The following PLCB4 variants were observed in gnomAD, a reference collection of about 807,000 sequenced individuals.
PLCB4 encodes the protein 1-phosphatidylinositol 4,5-bisphosphate phosphodiesterase beta-4.
In PLCB4, 77 loss-of-function variants were observed where a neutral mutation model predicts 178.8. The ratio of observed to expected loss-of-function variants is 0.43; its 90% CI spans 0.36 to 0.52. The LOEUF (loss-of-function observed/expected upper bound fraction) is 0.52. Among genes scored for constraint, PLCB4 ranks in the 20% least tolerant of loss-of-function variants. The pLI is 0.00. For missense variants in PLCB4, 1,024 were observed against 1,453.4 expected, an observed-to-expected ratio of 0.70 and a Z score of 4.80; for synonymous variants, 496 against 490.8, an observed-to-expected ratio of 1.01 and a Z score of -0.14.
intron 2 of PLCB4, among the ~76,000 whole-genome samples, chr20:9,161,631 G>T (rs116120565): frequency 0.02 from 3,000 of 152,304 alleles, 96 homozygotes; most frequent in African/African-American, 0.067. Context: ...TTATTGACTC[G>T]AAGAGACAAA....
chr20:9,141,748 A>G (rs919169332), intron 2 of PLCB4, among the ~76,000 whole-genome samples: 3 of 152,104 alleles, frequency 2.0e-5, no homozygotes, highest in Non-Finnish European at 4.4e-5. Flanking sequence ...ACAATCAGAT[A>G]AGAAGGGAAT....
At chr20:9,476,073 TCCC>T (rs1167977423) in intron 38 of PLCB4, among the ~76,000 whole-genome samples, 3 of 152,190 alleles carry the variant, frequency 2.0e-5, no homozygotes, top group African/African-American at 7.2e-5. Context: ...GTCCCAAATC[TCCC>T]CTTCCAAAGC....
At chr20:9,244,912 A>G (rs959887824) in intron 3 of PLCB4, among the ~76,000 whole-genome samples, 15 of 152,136 alleles carry the variant, frequency 9.9e-5, no homozygotes, top group Non-Finnish European at 4.4e-5. Context: ...AACGCTGGGC[A>G]GTTCTGAGCA....
chr20:9,164,073 C>T (rs1461518786), intron 2 of PLCB4, among the ~76,000 whole-genome samples: 3 of 152,052 alleles, frequency 2.0e-5, no homozygotes, highest in Non-Finnish European at 4.4e-5. Flanking sequence ...AACTTTATTC[C>T]TTCTGTGGTC....
At chr20:9,419,112 A>G (rs2040451601) in intron 25 of PLCB4, among the ~76,000 whole-genome samples, 2 of 152,134 alleles carry the variant, frequency 1.3e-5, no homozygotes, top group Admixed American at 1.3e-4. Context: ...GTGACTAGAA[A>G]TAGGCTTACT....
chr20:9,154,905 CTCCTTCCT>C (rs771256316), intron 2 of PLCB4, among the ~76,000 whole-genome samples: 3,292 of 62,286 alleles, frequency 0.053, 118 homozygotes, highest in African/African-American at 0.096. Context: ...CCCTCCTTCC[CTCCTTCCT>C]TCCTTCCTTC....
chr20:9,474,265 A>G (rs997712037), intron 38 of PLCB4, among the ~76,000 whole-genome samples: 5 of 152,112 alleles, frequency 3.3e-5, no homozygotes, highest in Admixed American at 6.5e-5. Flanking sequence ...AGTTAGGCCA[A>G]TGGGCATATA....
chr20:9,077,638 A>T, intron 1 of PLCB4, among the ~76,000 whole-genome samples: 1 of 152,350 alleles, frequency 6.6e-6, no homozygotes, highest in Non-Finnish European at 1.5e-5. Context: ...TTGTAGAATC[A>T]GAGAGTTGAA....
chr20:9,404,719 T>C (rs1465145911), intron 20 of PLCB4, among the ~76,000 whole-genome samples: 1 of 152,194 alleles, frequency 6.6e-6, no homozygotes, highest in Non-Finnish European at 1.5e-5. Context: ...TGAAAACTAT[T>C]TGTCACCATT....
At chr20:9,146,274 G>T (rs907334375) in intron 2 of PLCB4, among the ~76,000 whole-genome samples, 1 of 152,066 alleles carries the variant, frequency 6.6e-6, no homozygotes, top group African/African-American at 2.4e-5. Flanking sequence ...TTATTTCAAA[G>T]CTGCATGATT....
chr20:9,475,111 T>C (rs1295499021), intron 38 of PLCB4, among the ~76,000 whole-genome samples: 1 of 152,192 alleles, frequency 6.6e-6, no homozygotes, highest in Non-Finnish European at 1.5e-5. Flanking sequence ...TTTTAAAAAT[T>C]CTCCCTAGAG....
chr20:9,337,807 A>G (rs1052276814), intron 5 of PLCB4, among the ~76,000 whole-genome samples: 4 of 152,132 alleles, frequency 2.6e-5, no homozygotes, highest in Non-Finnish European at 5.9e-5. Context: ...ATGTATATAT[A>G]TATATGTGAA....
At chr20:9,349,929 G>A (rs888914013) in intron 7 of PLCB4, among the ~76,000 whole-genome samples, 1 of 152,070 alleles carries the variant, frequency 6.6e-6, no homozygotes, top group Non-Finnish European at 1.5e-5. Context: ...CATCTGTGTG[G>A]CAAAATTAAA....
At chr20:9,346,858 A>C (rs1186618116) in intron 7 of PLCB4, among the ~76,000 whole-genome samples, 1 of 152,120 alleles carries the variant, frequency 6.6e-6, no homozygotes, top group Non-Finnish European at 1.5e-5. Flanking sequence ...TCTGCCTTAC[A>C]TGGGCTGTGG....
chr20:9,347,434 G>A (rs1354673108), intron 7 of PLCB4, among the ~76,000 whole-genome samples: 1 of 152,166 alleles, frequency 6.6e-6, no homozygotes, highest in Non-Finnish European at 1.5e-5. Flanking sequence ...CAGGCACCAT[G>A]TAGCATTAAC....
chr20:9,180,897 AAAAT>A (rs376398236), intron 2 of PLCB4, among the ~76,000 whole-genome samples: 1 of 152,348 alleles, frequency 6.6e-6, no homozygotes, highest in African/African-American at 2.4e-5. Context: ...TTTGAGCACA[AAAAT>A]AAACAAATGT....
chr20:9,342,737 A>G (rs2033372645), intron 7 of PLCB4, among the ~76,000 whole-genome samples: 1 of 151,756 alleles, frequency 6.6e-6, no homozygotes, highest in South Asian at 2.1e-4. Context: ...ATCTGAGACT[A>G]AGGACACTCA....
intron 32 of PLCB4, among the ~76,000 whole-genome samples, chr20:9,452,242 TC>T (rs1475849858): frequency 3.3e-5 from 5 of 152,190 alleles, no homozygotes; most frequent in Non-Finnish European, 7.3e-5. Context: ...AAAAATTCCT[TC>T]CCCATTTATA....
chr20:9,375,756 A>G (rs953254675), intron 12 of PLCB4, among the ~76,000 whole-genome samples: 2 of 152,312 alleles, frequency 1.3e-5, no homozygotes, highest in Non-Finnish European at 2.9e-5. Context: ...CTACTCTGAT[A>G]TAAACAATTC....
Sources: allele counts gnomAD v4.1 joint callset (sites outside exome capture counted in the v4.1 genomes callset), GRCh38; gene constraint gnomAD v4.1.1; transcripts MANE v1.5; gene names NCBI Gene and HGNC (gene_info 2026-07-23, HGNC 2026-07-21).